ADGRB3: variants seen among roughly 807,000 people sequenced by gnomAD.
ADGRB3 encodes the protein adhesion G protein-coupled receptor B3.
In ADGRB3, 37 loss-of-function variants were observed where a neutral mutation model predicts 193.4. The ratio of observed to expected loss-of-function variants is 0.19; its 90% CI spans 0.15 to 0.25. The LOEUF (loss-of-function observed/expected upper bound fraction) is 0.25. ADGRB3 is among the 10% of genes least tolerant of loss of function. The pLI is 1.00. For synonymous variants in ADGRB3, 690 were observed against 644.2 expected, an observed-to-expected ratio of 1.07 and a Z score of -1.08; for missense variants, 1,637 against 1,852.9, an observed-to-expected ratio of 0.88 and a Z score of 2.14.
At chr6:69,068,773 G>A (rs1189716957) in intron 16 of ADGRB3, among the ~76,000 whole-genome samples, 2 of 152,194 alleles carry the variant, frequency 1.3e-5, no homozygotes, top group African/African-American at 2.4e-5. Flanking sequence ...TATAGCAGAA[G>A]TGATATTAAA....
intron 3 of ADGRB3, among the ~76,000 whole-genome samples, chr6:68,669,980 A>T (rs1017012092): frequency 1.3e-5 from 2 of 151,928 alleles, no homozygotes; most frequent in Admixed American, 6.6e-5. Context: ...GTGAGATTAT[A>T]TCTCATTGTA....
rs1389668601 is a variant in ADGRB3, at chr6:68,884,500, A to ATT, written c.758-46058_758-46057insTT. Reference sequence around the variant, plus strand: ...GAAAAAATTAGTTGAAAAATAAAGCATAAGTTAGTATTTCAGGCAGAGGAA... The same window carrying ATT: ...GAAAAAATTAGTTGAAAAATAAAGCATTTAAGTTAGTATTTCAGGCAGAGGAA... On this transcript the variant is annotated intron_variant, in intron 3 of 31. Transcript: ENST00000370598. Among the ~76,000 whole-genome samples the ATT allele has an allele frequency of 2.2e-4, 34 of 152,290 alleles. No individual in the cohort carries two copies. In the East Asian group the frequency reaches 6.2e-3, roughly 28 times the overall value.
intron 16 of ADGRB3, among the ~76,000 whole-genome samples, chr6:69,067,225 G>A (rs1030108172): frequency 2.6e-5 from 4 of 152,066 alleles, no homozygotes; most frequent in African/African-American, 9.7e-5. Flanking sequence ...TTTCAGGGTT[G>A]AGATAAATGC....
chr6:68,888,542 T>TACACAC (rs5877179), intron 3 of ADGRB3, among the ~76,000 whole-genome samples: 21,890 of 146,036 alleles, frequency 0.15, 1,749 homozygotes, highest in Non-Finnish European at 0.18. Flanking sequence ...GGGTAATAGA[T>TACACAC]ACACACACAC....
In ADGRB3 at chr6:68,779,232, G is replaced by GTGTA. The variant is rs1403035491; in HGVS notation, c.757+139803_757+139804insATGT. 2.2e-5 allele frequency among the ~76,000 whole-genome samples: 3 copies of GTGTA among 138,954 alleles called. No homozygotes were observed. In the East Asian group the frequency reaches 6.0e-4, roughly 28 times the overall value. 91.2% of individuals were successfully genotyped at this position (138,954 alleles called of 152,430 possible). A position where few individuals can be genotyped will look rare whatever the true frequency, so the allele number is the denominator to read the frequency against. The stretch of plus-strand genomic sequence containing the variant: ...TGTATTGTATATATGTATATATTAT[G>GTGTA]TGTGTGTGTGTGTGTGTGTGTGTGT... On this transcript the variant is annotated intron_variant, in intron 3 of 31. Transcript: ENST00000370598.
chr6:69,327,958 TG>T, intron 22 of ADGRB3, 69 bp downstream of exon 22: 1 of 1,370,974 alleles, frequency 7.3e-7, no homozygotes, highest in Non-Finnish European at 1.0e-6. Flanking sequence ...TGGTTGGCAC[TG>T]CTGATGGCTT....
chr6:68,795,934 T>C, intron 3 of ADGRB3, among the ~76,000 whole-genome samples: 1 of 152,140 alleles, frequency 6.6e-6, no homozygotes, highest in East Asian at 1.9e-4. Flanking sequence ...TGATTTTATA[T>C]ATAAATTCAT....
intron 3 of ADGRB3, among the ~76,000 whole-genome samples, chr6:68,721,709 G>A (rs947292091): frequency 6.8e-5 from 10 of 147,342 alleles, no homozygotes; most frequent in African/African-American, 1.5e-4. Context: ...ATAATAAAGC[G>A]CTCTGGTCTC....
chr6:69,249,351 T>C (rs1766568358), intron 20 of ADGRB3, among the ~76,000 whole-genome samples: 1 of 152,136 alleles, frequency 6.6e-6, no homozygotes. Context: ...TACCAGTGTA[T>C]AAAACTATGG....
chr6:69,158,807 G>C (rs1439096988), intron 17 of ADGRB3, among the ~76,000 whole-genome samples: 1 of 152,026 alleles, frequency 6.6e-6, no homozygotes, highest in African/African-American at 2.4e-5. Flanking sequence ...ACTTGAGGGA[G>C]CTGGTCTTCT....
In ADGRB3 at chr6:68,706,030, G is replaced by T. The variant is rs185113584; in HGVS notation, c.757+66598G>T. 5.3e-5 allele frequency among the ~76,000 whole-genome samples: 8 copies of T among 152,196 alleles called. No homozygotes were observed. The East Asian group carries it at 1.5e-3, about 29-fold the overall frequency. ...TGAGGTGATCAAATACTGAAGTGGG[G>T]GGCATTCTCTCTAAACTGACAGGGT... On this transcript the variant is annotated intron_variant, in intron 3 of 31. Transcript: ENST00000370598.
At position 69,366,020 on chromosome 6, in the gene ADGRB3, G is replaced by GA. The variant is rs1428317136; in HGVS notation, c.4239+4514dup. Reference sequence around the variant, plus strand: ...AGTTAAATCGATATTCACAATATTAGAAAAAATGTTATGGCCTCACTCAGG... The same window carrying GA: ...AGTTAAATCGATATTCACAATATTAGAAAAAAATGTTATGGCCTCACTCAGG... On this transcript the variant is annotated intron_variant, in intron 29 of 31. Coordinates refer to ENST00000370598, the MANE Select transcript of ADGRB3 (RefSeq NM_001704.3). Among the ~76,000 whole-genome samples the GA allele has an allele frequency of 4.6e-5, 7 of 152,148 alleles. No individual in the cohort carries two copies. The South Asian group carries it at 6.2e-4, about 14-fold the overall frequency.
intron 15 of ADGRB3, among the ~76,000 whole-genome samples, chr6:69,052,891 G>T (rs1485227190): frequency 1.3e-5 from 2 of 152,118 alleles, no homozygotes; most frequent in Non-Finnish European, 2.9e-5. Flanking sequence ...CTTATAGATA[G>T]AAAATATGGA....
chr6:69,011,932 C>A (rs1056677723), intron 11 of ADGRB3, among the ~76,000 whole-genome samples: 1 of 152,066 alleles, frequency 6.6e-6, no homozygotes, highest in African/African-American at 2.4e-5. Context: ...TTCTGTACTG[C>A]CTTCCCACTC....
chr6:69,098,346 T>G (rs1772942881), intron 17 of ADGRB3, among the ~76,000 whole-genome samples: 1 of 152,224 alleles, frequency 6.6e-6, no homozygotes, highest in Admixed American at 6.5e-5. Flanking sequence ...GAAGCCACAC[T>G]ATGAGCTATA....
At chr6:69,216,583 G>A (rs974539842) in intron 17 of ADGRB3, among the ~76,000 whole-genome samples, 6 of 152,156 alleles carry the variant, frequency 3.9e-5, no homozygotes, top group African/African-American at 1.2e-4. Context: ...GTGACCTGAG[G>A]AGGGAGAGAA....
chr6:69,098,385 A>T (rs753433151), intron 17 of ADGRB3, among the ~76,000 whole-genome samples: 3 of 152,248 alleles, frequency 2.0e-5, no homozygotes, highest in Non-Finnish European at 4.4e-5. Context: ...TTGAGATGTT[A>T]TGGGCTCCCA....
intron 20 of ADGRB3, among the ~76,000 whole-genome samples, chr6:69,295,133 A>G (rs1482951230): frequency 6.6e-6 from 1 of 152,160 alleles, no homozygotes; most frequent in Non-Finnish European, 1.5e-5. Context: ...TGTTACTAAA[A>G]ACCACAGCCA....
chr6:69,019,802 C>A (rs1177984996), intron 13 of ADGRB3, among the ~76,000 whole-genome samples: 2 of 151,924 alleles, frequency 1.3e-5, no homozygotes, highest in Non-Finnish European at 2.9e-5. Context: ...GCTGTACCTT[C>A]TTATGGACAA....
Sources: gnomAD v4.1 joint callset for allele counts (sites outside exome capture counted in the v4.1 genomes callset) on GRCh38, gnomAD v4.1.1 for gene constraint, MANE v1.5 for transcripts, NCBI Gene and HGNC (gene_info 2026-07-23, HGNC 2026-07-21) for gene names.